The following ITSN1 variants were observed in gnomAD, a reference collection of about 807,000 sequenced individuals.
ITSN1 encodes the protein intersectin 1.
Under a neutral mutation model 239.8 loss-of-function variants are expected in ITSN1, and 58 were observed. That is an observed-to-expected ratio of 0.24 (90% CI 0.20 to 0.30). The LOEUF (loss-of-function observed/expected upper bound fraction) is 0.30, where lower values mean the gene tolerates loss of function less well. Ranked by LOEUF, ITSN1 falls within the 10% of genes least tolerant of loss-of-function variation. The pLI is 1.00. For synonymous variants in ITSN1, 780 were observed against 770.8 expected (o/e 1.01, Z -0.20); for missense variants, 1,558 against 2,103.3 (o/e 0.74, Z 5.07).
Position 33,779,626 on chromosome 21 carries a change from G to C in ITSN1, c.1597-1835G>C, listed in dbSNP as rs373981213. ...TTTGTGACTACTTTTATTAGCTACTGAGAGTGGAACACTGAAATCCTGATC... is the reference window on the plus strand; with the variant it reads ...TTTGTGACTACTTTTATTAGCTACTCAGAGTGGAACACTGAAATCCTGATC... On this transcript the variant is annotated intron_variant, in intron 14 of 39. Coordinates refer to ENST00000381318, the MANE Select transcript of ITSN1 (RefSeq NM_003024.3). 3.9e-4 allele frequency among the ~76,000 whole-genome samples: 60 copies of C among 152,246 alleles called. No individual in the cohort carries two copies. The South Asian group carries it at 0.012, about 32-fold the overall frequency.
rs113583897 is a variant in ITSN1, at chr21:33,709,787, C to T, written c.-32-9010C>T. 5.0e-3 allele frequency among the ~76,000 whole-genome samples: 764 copies of T among 152,150 alleles called. 12 individuals are homozygous for T. The highest frequency in any genetic ancestry group is 0.017 in the African/African-American group (719 of 41,518). ...TGTTTTCTAGATTCTCTGGGATTTT[C>T]TATATAAATAGTGATATCTGTAAAT... On this transcript the variant is annotated intron_variant, in intron 1 of 39. Transcript: ENST00000381318.
intron 1 of ITSN1, among the ~76,000 whole-genome samples, chr21:33,658,579 G>A (rs1164600484): frequency 3.3e-5 from 5 of 152,176 alleles, no homozygotes; most frequent in African/African-American, 4.8e-5. Flanking sequence ...ACGGGACCAC[G>A]ATTGTATGTG....
chr21:33,856,893 G>T, intron 30 of ITSN1, 36 bp downstream of exon 30: 1 of 1,604,118 alleles, frequency 6.2e-7, no homozygotes, highest in Non-Finnish European at 8.5e-7. Context: ...CACGGCAGGG[G>T]GCGATGACGG....
rs368271242 is a variant in ITSN1 at position 33,895,523 on chromosome 21, ATGTGTG to A, written c.*7229_*7234del. On this transcript the variant is annotated 3_prime_UTR_variant, in exon 40 of 40. Transcript: ENST00000381318. ...TGTGCGTGCGCGTGTTTGTGTGTGC[ATGTGTG>A]TGTGTCTACGTGTGTGTGCACGCAT... 1.2e-5 allele frequency: 1 copy of A among 81,076 alleles called. No homozygotes were observed. The highest frequency in any genetic ancestry group is 1.1e-4 in the Admixed American group (1 of 9,050). The allele number at this position is 81,076 out of a possible 1,614,324, so 5.0% of individuals were successfully genotyped here.
At chr21:33,850,410 C>T (rs370369327) in intron 29 of ITSN1, among the ~76,000 whole-genome samples, 2 of 152,184 alleles carry the variant, frequency 1.3e-5, no homozygotes, top group South Asian at 2.1e-4. Context: ...CCTCTGTGCC[C>T]ACCGGCTTCT....
chr21:33,679,990 G>T (rs940439869), intron 1 of ITSN1, among the ~76,000 whole-genome samples: 1 of 152,094 alleles, frequency 6.6e-6, no homozygotes, highest in Non-Finnish European at 1.5e-5. Flanking sequence ...GAGACACCGC[G>T]CCCAGCCCAT....
At chr21:33,672,714 A>ATTT (rs1280113093) in intron 1 of ITSN1, among the ~76,000 whole-genome samples, 1 of 142,696 alleles carries the variant, frequency 7.0e-6, no homozygotes, top group African/African-American at 2.6e-5. Context: ...TATGGAAACG[A>ATTT]TTTTTTTTTT....
At chr21:33,833,350 G>A (rs1240587733) in intron 27 of ITSN1, among the ~76,000 whole-genome samples, 1 of 152,142 alleles carries the variant, frequency 6.6e-6, no homozygotes, top group African/African-American at 2.4e-5. Flanking sequence ...AAGTAACATT[G>A]AGTCTCCTTG....
chr21:33,837,156 T>A, intron 29 of ITSN1: 1 of 1,379,716 alleles, frequency 7.2e-7, no homozygotes, highest in South Asian at 2.2e-5. Flanking sequence ...GCAGTTTACC[T>A]CATTTTACCT....
At chr21:33,695,094 C>T (rs370478418) in intron 1 of ITSN1, among the ~76,000 whole-genome samples, 30 of 152,334 alleles carry the variant, frequency 2.0e-4, no homozygotes, top group Middle Eastern at 3.4e-3. Flanking sequence ...GGATTACAGG[C>T]GTGAGCCACC....
At chr21:33,659,704 A>ATT (rs1568864670) in intron 1 of ITSN1, among the ~76,000 whole-genome samples, 4 of 63,974 alleles carry the variant, frequency 6.3e-5, no homozygotes, top group Non-Finnish European at 9.0e-5. Flanking sequence ...AGCAGCCTGT[A>ATT]CTTTTTTTTT....
At chr21:33,738,470 C>T (rs549681294) in intron 5 of ITSN1, among the ~76,000 whole-genome samples, 32 of 151,652 alleles carry the variant, frequency 2.1e-4, no homozygotes, top group African/African-American at 6.8e-4. Context: ...GGCATGATCT[C>T]GGCTCACTGC....
At chr21:33,886,944 C>A (rs560431957) in intron 39 of ITSN1, among the ~76,000 whole-genome samples, 1 of 152,220 alleles carries the variant, frequency 6.6e-6, no homozygotes, top group South Asian at 2.1e-4. Flanking sequence ...CTTCAGCCAG[C>A]CTTCTGTTTC....
chr21:33,769,344 A>G (rs1289158716), intron 11 of ITSN1, among the ~76,000 whole-genome samples: 1 of 152,224 alleles, frequency 6.6e-6, no homozygotes, highest in African/African-American at 2.4e-5. Context: ...CATACTAGGA[A>G]TATTGCCAGA....
chr21:33,681,321 C>T (rs531674537), intron 1 of ITSN1, among the ~76,000 whole-genome samples: 1 of 152,144 alleles, frequency 6.6e-6, no homozygotes, highest in East Asian at 1.9e-4. Context: ...TTCATGAGAA[C>T]GAGAATTAAC....
intron 1 of ITSN1, among the ~76,000 whole-genome samples, chr21:33,657,804 G>A (rs373503403): frequency 2.0e-5 from 3 of 152,110 alleles, no homozygotes; most frequent in African/African-American, 7.2e-5. Context: ...AAGCAACAAA[G>A]TGAGACTCCC....
chr21:33,655,473 T>G (rs989840034), intron 1 of ITSN1, among the ~76,000 whole-genome samples: 4 of 152,100 alleles, frequency 2.6e-5, no homozygotes, highest in South Asian at 4.2e-4. Flanking sequence ...GGCTGGAGTG[T>G]GCAGCGGTGC....
At chr21:33,661,282 G>A (rs2089532519) in intron 1 of ITSN1, among the ~76,000 whole-genome samples, 3 of 151,972 alleles carry the variant, frequency 2.0e-5, no homozygotes, top group African/African-American at 7.3e-5. Context: ...TCAAATGATT[G>A]CACAGTGATT....
intron 1 of ITSN1, among the ~76,000 whole-genome samples, chr21:33,665,604 G>A (rs1324244978): frequency 1.3e-5 from 2 of 152,158 alleles, no homozygotes; most frequent in Non-Finnish European, 2.9e-5. Flanking sequence ...TAGATACAGA[G>A]TTATATGGCT....
Sources: allele counts gnomAD v4.1 joint callset (sites outside exome capture counted in the v4.1 genomes callset), GRCh38; gene constraint gnomAD v4.1.1; transcripts MANE v1.5; gene names NCBI Gene and HGNC (gene_info 2026-07-23, HGNC 2026-07-21).